The following ARSJ variants were observed in gnomAD, a reference collection of about 807,000 sequenced individuals.
The protein encoded by ARSJ is arylsulfatase family member J.
ARSJ carries 26 observed loss-of-function variants against 35.9 expected under a neutral mutation model. That is an observed-to-expected ratio of 0.72 (90% confidence interval 0.53 to 1.00). The LOEUF (loss-of-function observed/expected upper bound fraction) is 1.00. Ranked by LOEUF, ARSJ falls within the 50% of genes least tolerant of loss-of-function variation. The pLI, the probability that ARSJ is intolerant of heterozygous loss-of-function variation, is 0.00. For synonymous variants in ARSJ, 294 were observed against 267.6 expected (o/e 1.10, Z -0.96); for missense variants, 667 against 723.6 (o/e 0.92, Z 0.90).
At position 113,959,421 on chromosome 4, in the gene ARSJ, C is replaced by T. The variant is rs1726400472; in HGVS notation, c.398+19016G>A. Among the ~76,000 whole-genome samples, 3 of 151,914 alleles carry T rather than the reference C, an allele frequency of 2.0e-5. No individual in the cohort carries two copies. In the South Asian group the frequency reaches 6.2e-4, roughly 32 times the overall value. On this transcript the variant is annotated intron_variant, in intron 1 of 1. Coordinates refer to ENST00000315366, the MANE Select transcript of ARSJ (RefSeq NM_024590.4). ...CCAAACATGAGTCAGAGTAATAAAG[C>T]TCTCGAGACACTTCACTATTTGAAC...
At chr4:113,923,304 T>G (rs539533282) in intron 1 of ARSJ, among the ~76,000 whole-genome samples, 1 of 152,346 alleles carries the variant, frequency 6.6e-6, no homozygotes, top group South Asian at 2.1e-4. Context: ...AGAAATACAT[T>G]ATTCTTGAAT....
intron 1 of ARSJ, among the ~76,000 whole-genome samples, chr4:113,939,632 G>T (rs915582703): frequency 1.6e-4 from 25 of 152,122 alleles, no homozygotes; most frequent in Non-Finnish European, 3.4e-4. Context: ...ATCTCATTGT[G>T]GTTTTGATTT....
At chr4:113,968,796 A>C (rs1308845180) in intron 1 of ARSJ, among the ~76,000 whole-genome samples, 1 of 152,194 alleles carries the variant, frequency 6.6e-6, no homozygotes, top group African/African-American at 2.4e-5. Context: ...GGGAAGTGTC[A>C]TGATTTCGAC....
chr4:113,974,256 T>G (rs1313806594), intron 1 of ARSJ, among the ~76,000 whole-genome samples: 1 of 151,724 alleles, frequency 6.6e-6, no homozygotes, highest in Non-Finnish European at 1.5e-5. Flanking sequence ...AAGAAAAAGA[T>G]TATAACATGG....
intron 1 of ARSJ, among the ~76,000 whole-genome samples, chr4:113,955,672 T>A (rs532390612): frequency 6.6e-6 from 1 of 152,172 alleles, no homozygotes; most frequent in South Asian, 2.1e-4. Context: ...TTCATAACTG[T>A]TATAATCCTC....
Position 113,902,627 on chromosome 4 carries a change from C to T in ARSJ, c.1447G>A (p.Glu483Lys), listed in dbSNP as rs2099667483. The stretch of plus-strand genomic sequence containing the variant: ...TTGCCAGTTGACAAGGTGATCCGTT[C>T]ATTGTGCCACCGGTTCGGTCCCAGG... ...SNLGPNRWHN[E>K]RITLSTGKSV... The change falls in exon 2 of 2, where the codon GAA (glutamate) becomes AAA (lysine). Residue 483 changes from glutamate (E) to lysine (K), a missense_variant. By Grantham distance (56) the Glu-to-Lys change is moderately conservative. Coordinates refer to ENST00000315366, the MANE Select transcript of ARSJ (RefSeq NM_024590.4). 1 of 1,614,042 alleles carries T rather than the reference C, an allele frequency of 6.2e-7. No homozygotes were observed. The highest frequency in any genetic ancestry group is 1.1e-5 in the South Asian group (1 of 91,080).
Position 113,979,147 on chromosome 4 carries a change from C to G in ARSJ, c.-313G>C, listed in dbSNP as rs1394029798. 8.5e-6 allele frequency: 2 copies of G among 234,642 alleles called. No individual in the cohort carries two copies. Among genetic ancestry groups the G allele is most frequent in the Non-Finnish European group, 1.7e-5 (2 of 120,294 alleles). 14.5% of individuals were successfully genotyped at this position (234,642 alleles called of 1,614,324 possible). A position where few individuals can be genotyped will look rare whatever the true frequency, so the allele number is the denominator to read the frequency against. On this transcript the variant is annotated 5_prime_UTR_variant, in exon 1 of 2. Transcript: ENST00000315366. ...GTTAATATCTCCACCCAAAAGTTCTCTGGAGAAAAAAACCAAGCAAGGAAT... is the reference window on the plus strand; with the variant it reads ...GTTAATATCTCCACCCAAAAGTTCTGTGGAGAAAAAAACCAAGCAAGGAAT...
chr4:113,959,065 T>C (rs949257200), intron 1 of ARSJ, among the ~76,000 whole-genome samples: 1 of 152,002 alleles, frequency 6.6e-6, no homozygotes, highest in Non-Finnish European at 1.5e-5. Flanking sequence ...CTTCTTAAAA[T>C]AGCAATTTAA....
intron 1 of ARSJ, among the ~76,000 whole-genome samples, chr4:113,946,009 AT>A (rs11316516): frequency 0.83 from 126,381 of 151,386 alleles, 53,006 homozygotes; most frequent in South Asian, 0.92. Flanking sequence ...CTCTTTAAAC[AT>A]TTTTTTTTTC....
chr4:113,941,249 C>G (rs1477982880), intron 1 of ARSJ, among the ~76,000 whole-genome samples: 4 of 151,950 alleles, frequency 2.6e-5, no homozygotes, highest in African/African-American at 9.7e-5. Flanking sequence ...TGCTAAGTTG[C>G]AAAACAAAAC....
intron 1 of ARSJ, among the ~76,000 whole-genome samples, chr4:113,913,242 T>C (rs1422540528): frequency 6.6e-6 from 1 of 152,218 alleles, no homozygotes; most frequent in African/African-American, 2.4e-5. Flanking sequence ...TGCAATTGCC[T>C]TACTCATCCA....
chr4:113,969,146 A>C (rs1181268760), intron 1 of ARSJ, among the ~76,000 whole-genome samples: 2 of 152,222 alleles, frequency 1.3e-5, no homozygotes, highest in Non-Finnish European at 2.9e-5. Flanking sequence ...ATCACTGTTT[A>C]AATACACATT....
intron 1 of ARSJ, among the ~76,000 whole-genome samples, chr4:113,952,403 T>C (rs1725917206): frequency 1.3e-5 from 2 of 152,142 alleles, no homozygotes; most frequent in African/African-American, 4.8e-5. Context: ...GACTTCTCTC[T>C]TTTTTGACAT....
chr4:113,921,181 A>T (rs1031216936), intron 1 of ARSJ, among the ~76,000 whole-genome samples: 1 of 152,150 alleles, frequency 6.6e-6, no homozygotes, highest in African/African-American at 2.4e-5. Flanking sequence ...TCAAACTTAA[A>T]TAAAAGTATG....
Position 113,900,357 on chromosome 4 carries a change from T to C in ARSJ, c.*1917A>G, listed in dbSNP as rs1294544062. On this transcript the variant is annotated 3_prime_UTR_variant, in exon 2 of 2. Transcript: ENST00000315366. The stretch of plus-strand genomic sequence containing the variant: ...TCGACAAAACACAAACTTTAGGAAA[T>C]ACAACTTTACACTATAAAATAAAAT... The C allele has an allele frequency of 1.3e-5, 2 of 152,130 alleles. No homozygotes were observed. The highest frequency in any genetic ancestry group is 2.9e-5 in the Non-Finnish European group (2 of 67,996). 9.4% of individuals were successfully genotyped at this position (152,130 alleles called of 1,614,324 possible).
chr4:113,905,499 A>C (rs2099668431), intron 1 of ARSJ, among the ~76,000 whole-genome samples: 1 of 152,160 alleles, frequency 6.6e-6, no homozygotes, highest in African/African-American at 2.4e-5. Context: ...ATTGCAAAGC[A>C]GCATTCACAT....
At chr4:113,924,085 AT>A (rs1421886707) in intron 1 of ARSJ, among the ~76,000 whole-genome samples, 21 of 125,478 alleles carry the variant, frequency 1.7e-4, no homozygotes, top group African/African-American at 4.9e-4. Flanking sequence ...AAATATATAT[AT>A]ATATATATAT....
chr4:113,943,901 T>C (rs1303138569), intron 1 of ARSJ, among the ~76,000 whole-genome samples: 1 of 151,978 alleles, frequency 6.6e-6, no homozygotes, highest in Non-Finnish European at 1.5e-5. Flanking sequence ...TAGGCAGGCA[T>C]GAGAGTATGT....
intron 1 of ARSJ, among the ~76,000 whole-genome samples, chr4:113,949,744 T>C (rs182850392): frequency 2.6e-5 from 4 of 152,242 alleles, no homozygotes; most frequent in African/African-American, 9.6e-5. Flanking sequence ...GGGATAGATA[T>C]ATTAGTGTCA....
Sources: gnomAD v4.1 joint callset for allele counts (sites outside exome capture counted in the v4.1 genomes callset) on GRCh38, gnomAD v4.1.1 for gene constraint, MANE v1.5 for transcripts, NCBI Gene and HGNC (gene_info 2026-07-23, HGNC 2026-07-21) for gene names.